Variants in NT5M observed in about 807,000 individuals in gnomAD.
NT5M encodes the protein 5',3'-nucleotidase, mitochondrial, also known as 5'(3')-deoxyribonucleotidase, mitochondrial.
A neutral mutation model predicts 22.2 loss-of-function variants in NT5M; 22 were observed. That is an observed-to-expected ratio of 0.99 (90% CI 0.71 to 1.41). The LOEUF (loss-of-function observed/expected upper bound fraction) is 1.41. Among genes scored for constraint, NT5M ranks in the 40% most tolerant of loss-of-function variants. NT5M has a pLI of 0.00. For synonymous variants in NT5M, 167 were observed against 133.0 expected (o/e 1.26, Z -1.76); for missense variants, 322 against 314.8 (o/e 1.02, Z -0.17).
At chr17:17,338,674 A>AG (rs1567899007) in intron 3 of NT5M, among the ~76,000 whole-genome samples, 1 of 72,966 alleles carries the variant, frequency 1.4e-5, no homozygotes, top group Non-Finnish European at 2.6e-5. Flanking sequence ...GTAAATGTTA[A>AG]GGGTTTTTTT....
chr17:17,317,276 C>T, intron 2 of NT5M, among the ~76,000 whole-genome samples: 1 of 151,856 alleles, frequency 6.6e-6, no homozygotes, highest in East Asian at 1.9e-4. Context: ...GTCTCGATCT[C>T]CTGACCTGGT....
chr17:17,317,538 G>T (rs1217528023), intron 2 of NT5M, among the ~76,000 whole-genome samples: 1 of 152,216 alleles, frequency 6.6e-6, no homozygotes, highest in African/African-American at 2.4e-5. Context: ...AGGCTGAGAA[G>T]GGCAACAGAA....
intron 3 of NT5M, among the ~76,000 whole-genome samples, chr17:17,328,722 C>G (rs879752814): frequency 1.3e-5 from 2 of 152,178 alleles, no homozygotes; most frequent in Non-Finnish European, 2.9e-5. Context: ...GATTTTCTTT[C>G]AAGACCCAGT....
intron 2 of NT5M, among the ~76,000 whole-genome samples, chr17:17,310,883 G>A (rs2048909693): frequency 6.6e-6 from 1 of 152,282 alleles, no homozygotes; most frequent in Non-Finnish European, 1.5e-5. Flanking sequence ...ATTCGGCTGA[G>A]CACAGTGGCT....
chr17:17,338,271 C>T (rs1404949959), intron 3 of NT5M, among the ~76,000 whole-genome samples: 1 of 151,872 alleles, frequency 6.6e-6, no homozygotes, highest in Non-Finnish European at 1.5e-5. Flanking sequence ...CGGCTCACTG[C>T]AATGTCCGTC....
chr17:17,323,115 C>A, intron 2 of NT5M, 70 bp from the exon 3 acceptor site: 4 of 1,218,222 alleles, frequency 3.3e-6, no homozygotes, highest in Admixed American at 3.4e-5. Context: ...GAAGGCAGGG[C>A]AGGTGGTGAA....
Position 17,347,031 on chromosome 17 carries a change from G to A in NT5M, c.*84G>A. 6.6e-7 allele frequency: 1 copy of A among 1,518,610 alleles called. No individual in the cohort carries two copies. The highest frequency in any genetic ancestry group is 8.9e-7 in the Non-Finnish European group (1 of 1,124,562). 94.1% of individuals were successfully genotyped at this position (1,518,610 alleles called of 1,614,324 possible). ...GCCTGTGGGGCCAGTATGCTGGTCT[G>A]GGAGTCCCTCCTAGACTCCTGGGCC... On this transcript the variant is annotated 3_prime_UTR_variant, in exon 5 of 5. Transcript: ENST00000389022.
chr17:17,346,713 C>T, intron 4 of NT5M, 92 bp from the exon 5 acceptor site: 1 of 1,520,804 alleles, frequency 6.6e-7, no homozygotes, highest in Non-Finnish European at 8.9e-7. Flanking sequence ...TTTGGCAAGG[C>T]CAGATGCCTG....
At chr17:17,339,346 T>G (rs1164847521) in intron 3 of NT5M, among the ~76,000 whole-genome samples, 2 of 152,206 alleles carry the variant, frequency 1.3e-5, no homozygotes, top group Admixed American at 6.5e-5. Flanking sequence ...TTTGCTGACT[T>G]TATCAGTTCT....
At chr17:17,313,194 C>T (rs2048955719) in intron 2 of NT5M, among the ~76,000 whole-genome samples, 1 of 152,072 alleles carries the variant, frequency 6.6e-6, no homozygotes, top group Non-Finnish European at 1.5e-5. Flanking sequence ...AGGAGAATCG[C>T]TTGAACCCCT....
chr17:17,322,466 G>A (rs1435453335), intron 2 of NT5M, among the ~76,000 whole-genome samples: 2 of 152,178 alleles, frequency 1.3e-5, no homozygotes, highest in Non-Finnish European at 1.5e-5. Context: ...GTAGTGCCAA[G>A]TATCAGGTAA....
chr17:17,313,409 T>G (rs1318220117), intron 2 of NT5M, among the ~76,000 whole-genome samples: 1 of 152,228 alleles, frequency 6.6e-6, no homozygotes, highest in Admixed American at 6.5e-5. Flanking sequence ...GTCCTTTATC[T>G]CCATTTGGCT....
rs138695187 is a variant in NT5M, at chr17:17,336,573, C to T, written c.430-8221C>T. Among the ~76,000 whole-genome samples the T allele has an allele frequency of 2.8e-3, 376 of 135,844 alleles. 4 individuals carry two copies. The highest frequency in any genetic ancestry group is 9.6e-3 in the African/African-American group (346 of 36,000). The allele number at this position is 135,844 out of a possible 152,430, so 89.1% of individuals were successfully genotyped here. On this transcript the variant is annotated intron_variant, in intron 3 of 4. Transcript: ENST00000389022. Reference sequence around the variant, plus strand: ...TCTTTTCTTTTTTTTTTTTTTTTGACGGAGTCTTACTCTGTCACCCAGGCT... The same window carrying T: ...TCTTTTCTTTTTTTTTTTTTTTTGATGGAGTCTTACTCTGTCACCCAGGCT...
At chr17:17,343,054 C>T (rs2049679542) in intron 3 of NT5M, among the ~76,000 whole-genome samples, 1 of 152,166 alleles carries the variant, frequency 6.6e-6, no homozygotes, top group African/African-American at 2.4e-5. Flanking sequence ...GGCTCTTGCC[C>T]CCCATCCAGC....
rs147370976 is a variant in NT5M at position 17,307,346 on chromosome 17, G to A, written c.368+703G>A. On this transcript the variant is annotated intron_variant, in intron 2 of 4. Coordinates refer to ENST00000389022, the MANE Select transcript of NT5M (RefSeq NM_020201.4). ...GACATTAAAGAATCACAAAATGGCC[G>A]GGCACGGTGGCTCACGCCTGTAATC... is the stretch of plus-strand genomic sequence containing the variant. Among the ~76,000 whole-genome samples, 75 of 152,240 alleles carry A rather than the reference G, an allele frequency of 4.9e-4. 1 individual carries two copies. The East Asian group carries it at 0.011, about 23-fold the overall frequency.
At chr17:17,340,554 C>T (rs1036210916) in intron 3 of NT5M, among the ~76,000 whole-genome samples, 1 of 150,656 alleles carries the variant, frequency 6.6e-6, no homozygotes, top group Admixed American at 6.6e-5. Flanking sequence ...TGAGATGGAG[C>T]CTTGCTCTGT....
chr17:17,327,432 C>T (rs765473569), intron 3 of NT5M, among the ~76,000 whole-genome samples: 1 of 100,538 alleles, frequency 9.9e-6, no homozygotes, highest in Non-Finnish European at 2.1e-5. Flanking sequence ...CAACCTCTGC[C>T]TCCTGAGTTT....
chr17:17,341,968 T>C (rs1597802242), intron 3 of NT5M, among the ~76,000 whole-genome samples: 1 of 151,660 alleles, frequency 6.6e-6, no homozygotes, highest in African/African-American at 2.4e-5. Context: ...GAGGTGGAGG[T>C]TGCAGTGAGC....
At chr17:17,332,123 C>T (rs1597788564) in intron 3 of NT5M, among the ~76,000 whole-genome samples, 1 of 152,246 alleles carries the variant, frequency 6.6e-6, no homozygotes, top group South Asian at 2.1e-4. Flanking sequence ...CAACTCCACA[C>T]CTGCATACCC....
Sources: gnomAD v4.1 joint callset for allele counts (sites outside exome capture counted in the v4.1 genomes callset) on GRCh38, gnomAD v4.1.1 for gene constraint, MANE v1.5 for transcripts, NCBI Gene and HGNC (gene_info 2026-07-23, HGNC 2026-07-21) for gene names.